The following C10orf67 variants were observed in gnomAD, a reference collection of about 807,000 sequenced individuals.
The protein encoded by C10orf67 is chromosome 10 open reading frame 67.
Under a neutral mutation model 35.6 loss-of-function variants are expected in C10orf67, and 60 were observed. The ratio of observed to expected loss-of-function variants is 1.68; its 90% CI spans 1.37 to 2.09. C10orf67 has a LOEUF of 2.09. Ranked by LOEUF, C10orf67 falls within the 30% of genes most tolerant of loss-of-function variation. The pLI, the probability that C10orf67 is intolerant of heterozygous loss-of-function variation, is 0.00. For synonymous variants in C10orf67, 167 were observed against 115.8 expected (o/e 1.44, Z -2.84); for missense variants, 474 against 330.2 (o/e 1.44, Z -3.38).
intron 4 of C10orf67, among the ~76,000 whole-genome samples, chr10:23,305,276 G>A (rs1416530891): frequency 6.6e-6 from 1 of 152,204 alleles, no homozygotes; most frequent in Non-Finnish European, 1.5e-5. Flanking sequence ...TGAGACGCAA[G>A]AGAACACAGA....
rs544961684 is a variant in C10orf67 at position 23,311,474 on chromosome 10, G to A, written c.547-8015C>T. Among the ~76,000 whole-genome samples the A allele has an allele frequency of 3.3e-5, 5 of 152,316 alleles. 1 individual carries two copies. Among genetic ancestry groups the A allele is most frequent in the African/African-American group, 1.2e-4 (5 of 41,582 alleles). On this transcript the variant is annotated intron_variant, in intron 4 of 15. Transcript: ENST00000636213. ...TGCCTGTAATCCCAGCACTTTGGGA[G>A]GCCGAGGTGGGTGGATCACCTGAGG...
rs536092431 is a variant in C10orf67, at chr10:23,204,057, C to A, written c.*116G>T. On this transcript the variant is annotated 3_prime_UTR_variant, in exon 16 of 16. Transcript: ENST00000636213. ...ATATACATAATCTGGAGAGATTAAA[C>A]AATTAGTTTAGAAAATCCTTGGAGA... 1.2e-5 allele frequency: 5 copies of A among 431,830 alleles called. No individual in the cohort carries two copies. The Admixed American group carries it at 1.7e-4, about 15-fold the overall frequency. 26.7% of individuals were successfully genotyped at this position (431,830 alleles called of 1,614,324 possible). A position where few individuals can be genotyped will look rare whatever the true frequency, so the allele number is the denominator to read the frequency against.
rs531461908 is a variant in C10orf67, at chr10:23,265,371, G to A, written c.1200+891C>T. On this transcript the variant is annotated intron_variant, in intron 10 of 15. Coordinates refer to ENST00000636213, the MANE Select transcript of C10orf67 (RefSeq NM_001371909.1). The stretch of plus-strand genomic sequence containing the variant: ...CCTCCATGCTCTAAGTGAGAGAAGT[G>A]CAAATTCTGCCCTGTGTAGGAGAAG... Among the ~76,000 whole-genome samples, 6 of 152,346 alleles carry A rather than the reference G, an allele frequency of 3.9e-5. No homozygotes were observed. In the South Asian group the frequency reaches 1.0e-3, roughly 26 times the overall value.
chr10:23,246,678 A>C lies in C10orf67; in HGVS notation c.1346+3777T>G, dbSNP rs547512990. Among the ~76,000 whole-genome samples the C allele has an allele frequency of 3.3e-5, 5 of 152,320 alleles. No homozygotes were observed. The South Asian group carries it at 8.3e-4, about 25-fold the overall frequency. On this transcript the variant is annotated intron_variant, in intron 12 of 15. Transcript: ENST00000636213. The stretch of plus-strand genomic sequence containing the variant: ...TGGAGCTGAAAAGTTCTCACTGCCT[A>C]GTAACGTCTTGACAATCCTGACCCT...
chr10:23,314,699 T>G (rs950776311), intron 4 of C10orf67, among the ~76,000 whole-genome samples: 1 of 152,176 alleles, frequency 6.6e-6, no homozygotes, highest in Non-Finnish European at 1.5e-5. Context: ...CCACTTTTTT[T>G]TCAGCTATAG....
intron 5 of C10orf67, among the ~76,000 whole-genome samples, chr10:23,293,643 T>C (rs1843788690): frequency 2.6e-5 from 4 of 152,362 alleles, no homozygotes; most frequent in African/African-American, 7.2e-5. Context: ...GTGCAATCCA[T>C]GATCATTCTG....
chr10:23,223,567 G>A, intron 15 of C10orf67, 31 bp downstream of exon 15: 3 of 717,096 alleles, frequency 4.2e-6, no homozygotes, highest in Non-Finnish European at 7.8e-6. Context: ...ATTCTGGTGT[G>A]AACCTCATTT....
At chr10:23,313,769 T>C (rs760260025) in intron 4 of C10orf67, among the ~76,000 whole-genome samples, 6 of 152,064 alleles carry the variant, frequency 3.9e-5, no homozygotes, top group Non-Finnish European at 8.8e-5. Context: ...CAGATAAAAG[T>C]GAAGACATAA....
chr10:23,333,220 G>A, intron 1 of C10orf67, 38 bp from the exon 2 acceptor site: 4 of 1,530,878 alleles, frequency 2.6e-6, no homozygotes, highest in Non-Finnish European at 3.6e-6. Flanking sequence ...TTAAGTCATA[G>A]ATATTTTCTT....
In C10orf67 at chr10:23,224,946, C is replaced by T. The variant is rs182799707; in HGVS notation, c.1435-1128G>A. On this transcript the variant is annotated intron_variant, in intron 13 of 15. Transcript: ENST00000636213. The stretch of plus-strand genomic sequence containing the variant: ...TGGAAACAAGTTGGAAAACACTCTG[C>T]AGGATATTATCCAGGAGAACTTCCC... Among the ~76,000 whole-genome samples, 133 of 152,278 alleles carry T rather than the reference C, an allele frequency of 8.7e-4. 1 individual carries two copies. Among genetic ancestry groups the T allele is most frequent in the African/African-American group, 3.0e-3 (125 of 41,550 alleles).
intron 13 of C10orf67, among the ~76,000 whole-genome samples, chr10:23,224,861 G>T (rs1841692334): frequency 1.3e-5 from 2 of 152,104 alleles, no homozygotes; most frequent in South Asian, 2.1e-4. Flanking sequence ...AAGAAATATG[G>T]GACTATGTGA....
chr10:23,267,339 A>G (rs556516289), intron 8 of C10orf67, 85 bp from the exon 9 acceptor site: 43 of 620,530 alleles, frequency 6.9e-5, no homozygotes, highest in African/African-American at 5.7e-4. Context: ...ATAAGCAATG[A>G]AAGAGTAACG....
intron 8 of C10orf67, 34 bp downstream of exon 8, chr10:23,281,979 C>A: frequency 1.8e-6 from 1 of 560,946 alleles, no homozygotes; most frequent in Non-Finnish European, 3.2e-6. Context: ...TTCCTGAATT[C>A]AAATTTGTTA....
At chr10:23,274,292 G>A (rs1843117125) in intron 8 of C10orf67, among the ~76,000 whole-genome samples, 1 of 152,130 alleles carries the variant, frequency 6.6e-6, no homozygotes, top group Admixed American at 6.5e-5. Context: ...TTCGGGAGCA[G>A]ACAACTGGTC....
At chr10:23,326,677 A>G (rs1845207809) in intron 2 of C10orf67, among the ~76,000 whole-genome samples, 1 of 152,176 alleles carries the variant, frequency 6.6e-6, no homozygotes, top group South Asian at 2.1e-4. Context: ...TGTATAATAG[A>G]TGCAATACGT....
intron 12 of C10orf67, among the ~76,000 whole-genome samples, chr10:23,250,122 A>G (rs904102850): frequency 1.3e-5 from 2 of 152,212 alleles, no homozygotes; most frequent in African/African-American, 4.8e-5. Flanking sequence ...CTAGTTATAT[A>G]TCATTGTGTG....
In C10orf67 at chr10:23,267,272, C is replaced by T; in HGVS notation, c.976-18G>A. The T allele has an allele frequency of 1.4e-6, 1 of 700,696 alleles. No homozygotes were observed. The highest frequency in any genetic ancestry group is 2.6e-6 in the Non-Finnish European group (1 of 380,398). The allele number at this position is 700,696 out of a possible 1,614,324, so 43.4% of individuals were successfully genotyped here. On this transcript the variant is annotated intron_variant, in intron 8 of 15. Transcript: ENST00000636213. ...TTATTAATCTGTAAAATTGAAGACCCATATCATTGGTTATTATCTGCAAAG... is the reference window on the plus strand; with the variant it reads ...TTATTAATCTGTAAAATTGAAGACCTATATCATTGGTTATTATCTGCAAAG...
At chr10:23,235,639 A>C (rs943414505) in intron 13 of C10orf67, among the ~76,000 whole-genome samples, 4 of 152,186 alleles carry the variant, frequency 2.6e-5, no homozygotes, top group Non-Finnish European at 5.9e-5. Context: ...AAAATGGCTA[A>C]AATGACAAAT....
At chr10:23,211,479 G>GTGTGT (rs55879902) in intron 15 of C10orf67, among the ~76,000 whole-genome samples, 6 of 118,924 alleles carry the variant, frequency 5.0e-5, no homozygotes, top group South Asian at 2.5e-4. Flanking sequence ...GTGTGTGTGT[G>GTGTGT]GGGGGGGGGG....
Sources: allele counts gnomAD v4.1 joint callset (sites outside exome capture counted in the v4.1 genomes callset), GRCh38; gene constraint gnomAD v4.1.1; transcripts MANE v1.5; gene names NCBI Gene and HGNC (gene_info 2026-07-23, HGNC 2026-07-21).